The following AUH variants were observed in gnomAD, a reference collection of about 807,000 sequenced individuals.
The protein encoded by AUH is methylglutaconyl-CoA hydratase, mitochondrial.
In AUH, 29 loss-of-function variants were observed where a neutral mutation model predicts 42.3. The ratio of observed to expected loss-of-function variants is 0.69; its 90% CI spans 0.51 to 0.93. The LOEUF (loss-of-function observed/expected upper bound fraction) is 0.93, where lower values mean the gene tolerates loss of function less well. AUH is among the 40% of genes least tolerant of loss of function. AUH has a pLI of 0.00. For missense variants in AUH, 452 were observed against 438.1 expected, an observed-to-expected ratio of 1.03 and a Z score of -0.28; for synonymous variants, 174 against 166.4, an observed-to-expected ratio of 1.05 and a Z score of -0.35.
intron 1 of AUH, 87 bp downstream of exon 1, chr9:91,361,541 T>A: frequency 6.6e-7 from 1 of 1,507,354 alleles, no homozygotes. Context: ...CGACCCCGCG[T>A]CCTGCCGGCG....
intron 4 of AUH, among the ~76,000 whole-genome samples, chr9:91,314,583 T>TAA (rs980534048): frequency 3.9e-4 from 55 of 139,594 alleles, no homozygotes; most frequent in African/African-American, 1.4e-3. Context: ...TAATGAGAAA[T>TAA]AAAAAAAAAA....
chr9:91,351,016 A>T (rs536899622), intron 3 of AUH, among the ~76,000 whole-genome samples: 1 of 151,684 alleles, frequency 6.6e-6, no homozygotes, highest in South Asian at 2.1e-4. Context: ...TCTGTCACCC[A>T]GGCTGAAATG....
intron 3 of AUH, among the ~76,000 whole-genome samples, chr9:91,332,775 G>A (rs953535252): frequency 1.3e-5 from 2 of 152,140 alleles, no homozygotes; most frequent in African/African-American, 4.8e-5. Flanking sequence ...AAGGAGAAAT[G>A]CGTGCGCACA....
chr9:91,252,358 G>GAA (rs138781987), intron 6 of AUH, among the ~76,000 whole-genome samples: 2 of 152,006 alleles, frequency 1.3e-5, no homozygotes, highest in East Asian at 1.9e-4. Context: ...TGATGCCTTG[G>GAA]AAAAAAAGCA....
chr9:91,231,639 C>A (rs1587651434), intron 6 of AUH, among the ~76,000 whole-genome samples: 1 of 152,258 alleles, frequency 6.6e-6, no homozygotes, highest in South Asian at 2.1e-4. Context: ...TAGGATTGTC[C>A]TTGGTGAAAT....
chr9:91,261,934 G>C (rs894870459), intron 6 of AUH, among the ~76,000 whole-genome samples: 2 of 152,188 alleles, frequency 1.3e-5, no homozygotes, highest in African/African-American at 4.8e-5. Flanking sequence ...ACTTGAGAAT[G>C]AAGTTTTGAA....
intron 3 of AUH, 129 bp downstream of exon 3, chr9:91,355,754 G>T: frequency 1.3e-6 from 1 of 796,412 alleles, no homozygotes; most frequent in Non-Finnish European, 2.1e-6. Flanking sequence ...TTGTGAATCA[G>T]TAAAACACAG....
At chr9:91,315,452 C>T (rs985796934) in intron 4 of AUH, among the ~76,000 whole-genome samples, 1 of 152,204 alleles carries the variant, frequency 6.6e-6, no homozygotes, top group Non-Finnish European at 1.5e-5. Flanking sequence ...GTTCCCTTTA[C>T]CCCACCTTCC....
At chr9:91,242,391 CAG>C (rs1828568363) in intron 6 of AUH, among the ~76,000 whole-genome samples, 1 of 152,204 alleles carries the variant, frequency 6.6e-6, no homozygotes, top group Non-Finnish European at 1.5e-5. Context: ...AGACAACATT[CAG>C]AGAGTATTTC....
At chr9:91,338,345 T>A (rs557295792) in intron 3 of AUH, among the ~76,000 whole-genome samples, 1 of 152,292 alleles carries the variant, frequency 6.6e-6, no homozygotes, top group African/African-American at 2.4e-5. Flanking sequence ...AACACCTCCA[T>A]CCTGAAAAAG....
chr9:91,264,735 C>T (rs1179874511), intron 6 of AUH, among the ~76,000 whole-genome samples: 1 of 152,122 alleles, frequency 6.6e-6, no homozygotes, highest in African/African-American at 2.4e-5. Flanking sequence ...ACAGCTTGGA[C>T]AAAATAGTGG....
intron 6 of AUH, among the ~76,000 whole-genome samples, chr9:91,281,104 C>G (rs1825930504): frequency 1.3e-5 from 2 of 152,256 alleles, no homozygotes; most frequent in South Asian, 2.1e-4. Flanking sequence ...TTTTTCCCCC[C>G]TGAAATACAC....
intron 4 of AUH, among the ~76,000 whole-genome samples, chr9:91,303,758 G>A (rs923232383): frequency 1.3e-5 from 2 of 152,196 alleles, no homozygotes; most frequent in African/African-American, 4.8e-5. Flanking sequence ...CTTTCAAGAA[G>A]AATAGAAATA....
chr9:91,266,178 T>A (rs1312791131), intron 6 of AUH, among the ~76,000 whole-genome samples: 3 of 151,852 alleles, frequency 2.0e-5, no homozygotes, highest in Admixed American at 2.0e-4. Context: ...CTGGCCAACA[T>A]GGTGAAAAGC....
At chr9:91,264,136 T>A (rs868500236) in intron 6 of AUH, among the ~76,000 whole-genome samples, 10 of 152,146 alleles carry the variant, frequency 6.6e-5, no homozygotes, top group African/African-American at 2.4e-4. Context: ...ATATATGTGT[T>A]ATATGTGTGT....
At chr9:91,333,714 C>T (rs1378841553) in intron 3 of AUH, among the ~76,000 whole-genome samples, 1 of 152,176 alleles carries the variant, frequency 6.6e-6, no homozygotes, top group Non-Finnish European at 1.5e-5. Flanking sequence ...TCCTTTAGCA[C>T]TCTGGTGAAA....
intron 6 of AUH, among the ~76,000 whole-genome samples, chr9:91,264,182 A>G (rs948072925): frequency 3.3e-5 from 5 of 152,242 alleles, no homozygotes; most frequent in African/African-American, 1.2e-4. Context: ...GCCAAGAGGT[A>G]TACTAAAATT....
intron 6 of AUH, chr9:91,294,854 G>A (rs999323888): frequency 9.2e-6 from 4 of 434,742 alleles, no homozygotes; most frequent in African/African-American, 2.0e-5. Context: ...ACCTGAAGAC[G>A]TGACTGAATT....
At chr9:91,257,212 G>A (rs753831441) in intron 6 of AUH, among the ~76,000 whole-genome samples, 26 of 152,044 alleles carry the variant, frequency 1.7e-4, no homozygotes, top group Non-Finnish European at 2.9e-4. Flanking sequence ...ATTACTAAAA[G>A]GAAGAAAGAT....
Sources: allele counts gnomAD v4.1 joint callset (sites outside exome capture counted in the v4.1 genomes callset), GRCh38; gene constraint gnomAD v4.1.1; transcripts MANE v1.5; gene names NCBI Gene and HGNC (gene_info 2026-07-23, HGNC 2026-07-21).